The following CSMD3 variants were observed in gnomAD, a reference collection of about 807,000 sequenced individuals.
The protein encoded by CSMD3 is CUB and Sushi multiple domains 3.
Under a neutral mutation model 435.2 loss-of-function variants are expected in CSMD3, and 177 were observed. The ratio of observed to expected loss-of-function variants is 0.41; its 90% CI spans 0.36 to 0.46. CSMD3 has a LOEUF of 0.46. Ranked by LOEUF, CSMD3 falls within the 20% of genes least tolerant of loss-of-function variation. The pLI, the probability that CSMD3 is intolerant of heterozygous loss-of-function variation, is 0.34. For missense variants in CSMD3, 4,265 were observed against 4,504.6 expected, an observed-to-expected ratio of 0.95 and a Z score of 1.52; for synonymous variants, 1,656 against 1,520.5, an observed-to-expected ratio of 1.09 and a Z score of -2.07.
At chr8:113,048,746 A>G (rs2087952208) in intron 5 of CSMD3, among the ~76,000 whole-genome samples, 1 of 152,172 alleles carries the variant, frequency 6.6e-6, no homozygotes, top group African/African-American at 2.4e-5. Context: ...GAACCATGGT[A>G]GATTTGTCAG....
At chr8:113,278,494 C>A in intron 3 of CSMD3, 98 bp downstream of exon 3, 1 of 710,522 alleles carries the variant, frequency 1.4e-6, no homozygotes, top group East Asian at 2.7e-5. Context: ...TTTGAGACAA[C>A]ATGATGTTGT....
chr8:112,511,723 C>T (rs190974009), intron 28 of CSMD3, among the ~76,000 whole-genome samples: 1 of 152,162 alleles, frequency 6.6e-6, no homozygotes, highest in African/African-American at 2.4e-5. Context: ...ATAAAGAAGT[C>T]TGCCGTAGTA....
In CSMD3 at chr8:112,982,087, TAAGAG is replaced by T. The variant is rs539518255; in HGVS notation, c.1031-5944_1031-5940del. Among the ~76,000 whole-genome samples, 101 of 151,978 alleles carry T rather than the reference TAAGAG, an allele frequency of 6.6e-4. 1 individual carries two copies. Among genetic ancestry groups the T allele is most frequent in the Middle Eastern group, 6.8e-3 (2 of 294 alleles). ...TCGTTTCTTGCTTCACCCAGTTGATTAAGAGAAATTTGTAGAATTAAAGTTCAAAG... is the reference window on the plus strand; with the variant it reads ...TCGTTTCTTGCTTCACCCAGTTGATTAAATTTGTAGAATTAAAGTTCAAAG... On this transcript the variant is annotated intron_variant, in intron 6 of 70. Coordinates refer to ENST00000297405, the MANE Select transcript of CSMD3 (RefSeq NM_198123.2).
rs562113780 is a variant in CSMD3, at chr8:113,415,511, A to C, written c.178+21166T>G. Among the ~76,000 whole-genome samples, 8 of 152,294 alleles carry C rather than the reference A, an allele frequency of 5.3e-5. No homozygotes were observed. The East Asian group carries it at 1.5e-3, about 29-fold the overall frequency. ...TTCCACGACTATGAACAGAGTGTTT[A>C]ATTTTTATTTAAAGTTAGGTTTTCA... On this transcript the variant is annotated intron_variant, in intron 1 of 70. Coordinates refer to ENST00000297405, the MANE Select transcript of CSMD3 (RefSeq NM_198123.2).
intron 3 of CSMD3, among the ~76,000 whole-genome samples, chr8:113,273,380 G>C (rs1036715755): frequency 1.3e-5 from 2 of 151,800 alleles, no homozygotes; most frequent in East Asian, 3.9e-4. Flanking sequence ...TGCGGTTTCA[G>C]TTACCATTGA....
At chr8:113,273,638 A>G (rs1480245795) in intron 3 of CSMD3, among the ~76,000 whole-genome samples, 1 of 152,110 alleles carries the variant, frequency 6.6e-6, no homozygotes, top group Non-Finnish European at 1.5e-5. Context: ...TCAGGCATCC[A>G]CTGGAAGCCT....
chr8:112,532,702 C>T lies in CSMD3; in HGVS notation c.4565-15477G>A, dbSNP rs558912389. On this transcript the variant is annotated intron_variant, in intron 27 of 70. Transcript: ENST00000297405. ...TTTTACAAGAAATGCTAATAAGAGT[C>T]CTTCCATCTGAAAAAAAAAGGATGT... 6.6e-5 allele frequency among the ~76,000 whole-genome samples: 10 copies of T among 152,026 alleles called. No homozygotes were observed. In the East Asian group the frequency reaches 1.7e-3, roughly 26 times the overall value.
intron 13 of CSMD3, among the ~76,000 whole-genome samples, chr8:112,718,005 G>A (rs4876491): frequency 0.38 from 57,341 of 151,776 alleles, 12,148 homozygotes; most frequent in African/African-American, 0.58. Flanking sequence ...GGTGCAGGAA[G>A]CCACCATGGG....
At chr8:112,711,119 T>C (rs904611227) in intron 13 of CSMD3, among the ~76,000 whole-genome samples, 6 of 152,130 alleles carry the variant, frequency 3.9e-5, no homozygotes, top group Admixed American at 6.6e-5. Context: ...ATTGCAATGA[T>C]AGTAACTGAT....
At chr8:112,466,436 G>C (rs761924939) in intron 32 of CSMD3, among the ~76,000 whole-genome samples, 4 of 151,994 alleles carry the variant, frequency 2.6e-5, no homozygotes, top group Non-Finnish European at 5.9e-5. Flanking sequence ...AGACCAAAGA[G>C]TAAATGGTCA....
Position 113,275,827 on chromosome 8 carries a change from C to A in CSMD3, c.514+2765G>T, listed in dbSNP as rs1411591218. Among the ~76,000 whole-genome samples the A allele has an allele frequency of 2.0e-5, 3 of 151,702 alleles. No individual in the cohort carries two copies. In the East Asian group the frequency reaches 5.8e-4, roughly 29 times the overall value. On this transcript the variant is annotated intron_variant, in intron 3 of 70. Transcript: ENST00000297405. ...CAAGCCAGGGCAACACAGTGAGACT[C>A]CTATCTCAAAAATATAAAAATTAAA...
chr8:113,428,347 T>C (rs1341146572), intron 1 of CSMD3, among the ~76,000 whole-genome samples: 1 of 151,600 alleles, frequency 6.6e-6, no homozygotes, highest in Non-Finnish European at 1.5e-5. Flanking sequence ...AATGAAGAGG[T>C]TTAATTGGTA....
intron 2 of CSMD3, among the ~76,000 whole-genome samples, chr8:113,298,014 GC>G (rs2093735197): frequency 6.6e-6 from 1 of 151,980 alleles, no homozygotes; most frequent in Non-Finnish European, 1.5e-5. Context: ...TAATCAACAG[GC>G]TTTGATACAA....
intron 32 of CSMD3, among the ~76,000 whole-genome samples, chr8:112,424,979 C>T (rs1042643105): frequency 2.0e-5 from 3 of 152,152 alleles, no homozygotes; most frequent in South Asian, 2.1e-4. Context: ...CATGAGCCAC[C>T]GCGCTTGACC....
At chr8:112,967,237 C>T (rs1409335786) in intron 7 of CSMD3, among the ~76,000 whole-genome samples, 1 of 151,880 alleles carries the variant, frequency 6.6e-6, no homozygotes, top group Non-Finnish European at 1.5e-5. Context: ...TGCTCCTATT[C>T]ACTTGAAATT....
intron 10 of CSMD3, 118 bp from the exon 11 acceptor site, chr8:112,859,384 T>A (rs2080760885): frequency 3.5e-6 from 3 of 850,758 alleles, no homozygotes; most frequent in Non-Finnish European, 5.8e-6. Context: ...CACATTGAAA[T>A]ATATATTATG....
chr8:112,531,205 C>T (rs1033730021), intron 27 of CSMD3, among the ~76,000 whole-genome samples: 1 of 152,068 alleles, frequency 6.6e-6, no homozygotes, highest in Non-Finnish European at 1.5e-5. Flanking sequence ...GCGGCAGATC[C>T]CCAAAGCCCC....
chr8:113,044,687 A>T lies in CSMD3; in HGVS notation c.918-25508T>A, dbSNP rs2087758273. ...TATAACTGTGAATATATCAACATAAATGTGGCCCACATGTTACCAAAGTTT... is the reference window on the plus strand; with the variant it reads ...TATAACTGTGAATATATCAACATAATTGTGGCCCACATGTTACCAAAGTTT... On this transcript the variant is annotated intron_variant, in intron 5 of 70. Coordinates refer to ENST00000297405, the MANE Select transcript of CSMD3 (RefSeq NM_198123.2). Among the ~76,000 whole-genome samples the T allele has an allele frequency of 2.0e-5, 3 of 149,108 alleles. No homozygotes were observed. The South Asian group carries it at 6.3e-4, about 32-fold the overall frequency.
intron 22 of CSMD3, among the ~76,000 whole-genome samples, chr8:112,590,102 A>C (rs1831054378): frequency 6.6e-6 from 1 of 152,180 alleles, no homozygotes; most frequent in South Asian, 2.1e-4. Flanking sequence ...GAGGCAAATG[A>C]TAGAATGCTC....
Sources: allele counts gnomAD v4.1 joint callset (sites outside exome capture counted in the v4.1 genomes callset), GRCh38; gene constraint gnomAD v4.1.1; transcripts MANE v1.5; gene names NCBI Gene and HGNC (gene_info 2026-07-23, HGNC 2026-07-21).